Variants in CNBD2 observed in about 807,000 individuals in gnomAD.
CNBD2 encodes cyclic nucleotide-binding domain-containing protein 2.
Under a neutral mutation model 63.7 loss-of-function variants are expected in CNBD2, and 64 were observed. The observed-to-expected ratio is 1.00, with a 90% confidence interval of 0.82 to 1.24. The LOEUF (loss-of-function observed/expected upper bound fraction) is 1.24. Ranked by LOEUF, CNBD2 falls within the 50% of genes most tolerant of loss-of-function variation. The pLI, the probability that CNBD2 is intolerant of heterozygous loss-of-function variation, is 0.00. For synonymous variants in CNBD2, 229 were observed against 255.4 expected, an observed-to-expected ratio of 0.90 and a Z score of 0.99; for missense variants, 691 against 713.5, an observed-to-expected ratio of 0.97 and a Z score of 0.36.
Position 35,972,560 on chromosome 20 carries a change from C to T in CNBD2, c.52-69C>T, listed in dbSNP as rs1568852335. 2.7e-6 allele frequency: 4 copies of T among 1,471,628 alleles called. No homozygotes were observed. In the East Asian group the frequency reaches 6.8e-5, roughly 25 times the overall value. 91.2% of individuals were successfully genotyped at this position (1,471,628 alleles called of 1,614,324 possible). ...CTGGTAAATTTCACCTTGTTCAGCA[C>T]CATCCAGCCTGCTGTTGACTGTTGA... On this transcript the variant is annotated intron_variant, in intron 1 of 11. Coordinates refer to ENST00000373973, the MANE Select transcript of CNBD2 (RefSeq NM_001365709.1).
chr20:36,025,974 A>G (rs1368037601), intron 11 of CNBD2, among the ~76,000 whole-genome samples: 1 of 152,142 alleles, frequency 6.6e-6, no homozygotes. Context: ...CCTACTATTC[A>G]CATACTCTAG....
chr20:36,017,272 C>T (rs1343360651), intron 10 of CNBD2, among the ~76,000 whole-genome samples: 3 of 152,062 alleles, frequency 2.0e-5, no homozygotes, highest in Non-Finnish European at 4.4e-5. Flanking sequence ...AGGGCTGTCT[C>T]CTGAAGCCTC....
chr20:35,962,091 G>A (rs1457493178), intron 2 of CNBD2, among the ~76,000 whole-genome samples: 1 of 152,046 alleles, frequency 6.6e-6, no homozygotes, highest in South Asian at 2.1e-4. Flanking sequence ...TTAACCTTCT[G>A]GATCTTCTCA....
intron 7 of CNBD2, among the ~76,000 whole-genome samples, chr20:35,988,441 G>T (rs1479267977): frequency 6.6e-6 from 1 of 152,192 alleles, no homozygotes. Flanking sequence ...AAAGTGCTGG[G>T]ATTACAGATG....
In CNBD2 at chr20:36,030,658, A is replaced by G. The variant is rs1007014925; in HGVS notation, c.*10A>G. On this transcript the variant is annotated 3_prime_UTR_variant, in exon 12 of 12. Coordinates refer to ENST00000373973, the MANE Select transcript of CNBD2 (RefSeq NM_001365709.1). ...AGAACTCTTGGCTTAGTGTAAGAGC[A>G]CAGGGGTCCTTATTTAGGACAAATA... 6.2e-7 allele frequency: 1 copy of G among 1,613,404 alleles called. No homozygotes were observed. Among genetic ancestry groups the G allele is most frequent in the African/African-American group, 1.3e-5 (1 of 74,946 alleles).
At chr20:36,024,355 G>A (rs547135979) in intron 11 of CNBD2, among the ~76,000 whole-genome samples, 2 of 151,984 alleles carry the variant, frequency 1.3e-5, no homozygotes, top group South Asian at 2.1e-4. Flanking sequence ...AAGGCTGAGC[G>A]TGGTGGCTCA....
chr20:36,006,735 T>G (rs2056990204), intron 8 of CNBD2, among the ~76,000 whole-genome samples: 1 of 152,194 alleles, frequency 6.6e-6, no homozygotes, highest in Non-Finnish European at 1.5e-5. Context: ...CATGACAAAT[T>G]TATACCTCTA....
At chr20:36,013,687 A>G (rs988613179) in intron 10 of CNBD2, among the ~76,000 whole-genome samples, 2 of 152,206 alleles carry the variant, frequency 1.3e-5, no homozygotes, top group Non-Finnish European at 2.9e-5. Context: ...CTATACATGT[A>G]CACAGTGTTA....
chr20:35,972,349 G>A (rs758831373), intron 1 of CNBD2, among the ~76,000 whole-genome samples: 3 of 152,186 alleles, frequency 2.0e-5, no homozygotes, highest in Non-Finnish European at 2.9e-5. Flanking sequence ...CATTTAGCTG[G>A]TTTGCTGGTG....
intron 10 of CNBD2, among the ~76,000 whole-genome samples, chr20:36,015,618 C>T (rs2057123251): frequency 6.6e-6 from 1 of 152,184 alleles, no homozygotes; most frequent in African/African-American, 2.4e-5. Flanking sequence ...GGGGCAGGAA[C>T]TGCTTTAATA....
intron 8 of CNBD2, 123 bp from the exon 9 acceptor site, chr20:36,008,174 A>C: frequency 1.4e-6 from 1 of 724,806 alleles, no homozygotes; most frequent in South Asian, 2.1e-5. Context: ...TTTTTTTTTT[A>C]AAAAATTTCC....
At chr20:35,970,827 T>C (rs1255213098) in intron 1 of CNBD2, among the ~76,000 whole-genome samples, 1 of 152,232 alleles carries the variant, frequency 6.6e-6, no homozygotes, top group Non-Finnish European at 1.5e-5. Flanking sequence ...GCAATCCTTC[T>C]GCCTCGGCCT....
intron 1 of CNBD2, among the ~76,000 whole-genome samples, chr20:35,970,056 T>A (rs1316668841): frequency 2.0e-5 from 3 of 152,206 alleles, no homozygotes; most frequent in African/African-American, 4.8e-5. Flanking sequence ...TTTGGGAGGC[T>A]GAGGTGGAAG....
At chr20:36,024,851 C>T (rs1298813436) in intron 11 of CNBD2, among the ~76,000 whole-genome samples, 1 of 152,092 alleles carries the variant, frequency 6.6e-6, no homozygotes, top group Non-Finnish European at 1.5e-5. Context: ...AGGAGAGTCA[C>T]TTGAACCCAG....
upstream of CNBD2, chr20:35,954,483 A>G (rs1486812561): frequency 1.3e-6 from 2 of 1,545,572 alleles, no homozygotes; most frequent in African/African-American, 1.4e-5. Flanking sequence ...GCCGGAAGCG[A>G]AAGTCTCTGG....
intron 10 of CNBD2, among the ~76,000 whole-genome samples, 154 bp downstream of exon 10, chr20:36,011,411 G>A (rs2057059420): frequency 6.6e-6 from 1 of 152,224 alleles, no homozygotes; most frequent in African/African-American, 2.4e-5. Context: ...AATAGGCCGG[G>A]CGCGGTGGCT....
At chr20:35,977,903 T>C (rs2056543103) in intron 3 of CNBD2, among the ~76,000 whole-genome samples, 2 of 152,180 alleles carry the variant, frequency 1.3e-5, no homozygotes, top group African/African-American at 2.4e-5. Flanking sequence ...TACACACACA[T>C]GTATAGTTAT....
At chr20:35,977,616 C>T (rs971973294) in intron 3 of CNBD2, among the ~76,000 whole-genome samples, 3 of 152,130 alleles carry the variant, frequency 2.0e-5, no homozygotes, top group African/African-American at 7.2e-5. Flanking sequence ...AAATCGAGGT[C>T]GCAGTGAGCT....
downstream of CNBD2, among the ~76,000 whole-genome samples, chr20:35,956,795 C>T (rs1046764754): frequency 2.0e-5 from 3 of 152,158 alleles, no homozygotes; most frequent in Admixed American, 6.6e-5. Flanking sequence ...GGGGAGGAGA[C>T]TTCAAGCTGA....
Sources: gnomAD v4.1 joint callset for allele counts (sites outside exome capture counted in the v4.1 genomes callset) on GRCh38, gnomAD v4.1.1 for gene constraint, MANE v1.5 for transcripts, NCBI Gene and HGNC (gene_info 2026-07-23, HGNC 2026-07-21) for gene names.